The following UGT8 variants were observed in gnomAD, a reference collection of about 807,000 sequenced individuals.
UGT8 encodes UDP glycosyltransferase 8.
UGT8 carries 12 observed loss-of-function variants against 40.5 expected under a neutral mutation model. That is an observed-to-expected ratio of 0.30 (90% CI 0.19 to 0.48). UGT8 has a LOEUF of 0.48. UGT8 is among the 20% of genes least tolerant of loss of function. The probability of loss-of-function intolerance (pLI) is 0.99; values close to 1 mark genes in which losing one functional copy is unlikely to be tolerated. For synonymous variants in UGT8, 224 were observed against 240.4 expected, an observed-to-expected ratio of 0.93 and a Z score of 0.63; for missense variants, 513 against 648.7, an observed-to-expected ratio of 0.79 and a Z score of 2.27.
intron 1 of UGT8, among the ~76,000 whole-genome samples, chr4:114,618,054 T>C (rs555737005): frequency 2.0e-5 from 3 of 152,054 alleles, no homozygotes; most frequent in Middle Eastern, 3.2e-3. Flanking sequence ...TACATATATA[T>C]CATATACATA....
chr4:114,658,380 G>A (rs1734316141), intron 2 of UGT8, among the ~76,000 whole-genome samples: 1 of 152,182 alleles, frequency 6.6e-6, no homozygotes, highest in Admixed American at 6.5e-5. Context: ...AGGATGCAGT[G>A]TTATAGGTTT....
intron 1 of UGT8, chr4:114,622,386 G>A: frequency 6.6e-6 from 1 of 151,086 alleles, no homozygotes; most frequent in South Asian, 2.1e-4. Context: ...CCAAGTCTTT[G>A]CTATTGTGAA....
intron 2 of UGT8, among the ~76,000 whole-genome samples, chr4:114,661,001 G>C (rs1734497491): frequency 6.6e-6 from 1 of 151,478 alleles, no homozygotes; most frequent in African/African-American, 2.4e-5. Flanking sequence ...GTAGCTGATT[G>C]TCTCTGTCAT....
At chr4:114,647,963 C>G (rs1218290112) in intron 2 of UGT8, among the ~76,000 whole-genome samples, 2 of 152,120 alleles carry the variant, frequency 1.3e-5, no homozygotes, top group African/African-American at 4.8e-5. Context: ...TGGACAATGT[C>G]ATGTTCTTGC....
At chr4:114,638,405 T>G (rs1733015304) in intron 2 of UGT8, among the ~76,000 whole-genome samples, 1 of 152,194 alleles carries the variant, frequency 6.6e-6, no homozygotes. Flanking sequence ...CATCCCTGAC[T>G]TTTGGATCTG....
At chr4:114,654,462 G>A (rs766208656) in intron 2 of UGT8, among the ~76,000 whole-genome samples, 1 of 152,030 alleles carries the variant, frequency 6.6e-6, no homozygotes, top group Admixed American at 6.6e-5. Context: ...CTATAGTTGA[G>A]GAATTCAGAC....
At chr4:114,658,293 A>G (rs1734310928) in intron 2 of UGT8, among the ~76,000 whole-genome samples, 1 of 152,158 alleles carries the variant, frequency 6.6e-6, no homozygotes, top group South Asian at 2.1e-4. Context: ...CACCCCCCTC[A>G]TCTCCCATTA....
intron 2 of UGT8, among the ~76,000 whole-genome samples, chr4:114,649,501 CAATGCTGAG>C (rs1733774315): frequency 1.3e-5 from 2 of 152,102 alleles, no homozygotes; most frequent in South Asian, 4.1e-4. Flanking sequence ...GGTGGTATGA[CAATGCTGAG>C]AATCAGTAGG....
intron 1 of UGT8, among the ~76,000 whole-genome samples, chr4:114,611,356 A>G (rs1361543237): frequency 5.4e-5 from 8 of 147,998 alleles, no homozygotes; most frequent in African/African-American, 2.0e-4. Context: ...AATTTCAGAA[A>G]TAGAAACCCA....
chr4:114,631,519 C>T (rs1301933608), intron 2 of UGT8, among the ~76,000 whole-genome samples: 3 of 152,226 alleles, frequency 2.0e-5, no homozygotes, highest in East Asian at 3.9e-4. Context: ...AAGTAATGTC[C>T]CATTGTATCC....
intron 2 of UGT8, among the ~76,000 whole-genome samples, chr4:114,630,628 C>A (rs1240233381): frequency 1.3e-5 from 2 of 151,576 alleles, no homozygotes; most frequent in Non-Finnish European, 2.9e-5. Flanking sequence ...ACTTCTGTTT[C>A]CATCTTGGGG....
chr4:114,653,014 A>G (rs1733977301), intron 2 of UGT8, among the ~76,000 whole-genome samples: 1 of 152,018 alleles, frequency 6.6e-6, no homozygotes, highest in South Asian at 2.1e-4. Context: ...TGACCAAGCC[A>G]CTCATCCCAG....
intron 2 of UGT8, among the ~76,000 whole-genome samples, chr4:114,634,528 A>T (rs1732768935): frequency 6.6e-6 from 1 of 152,212 alleles, no homozygotes; most frequent in African/African-American, 2.4e-5. Flanking sequence ...TCATAGGTCC[A>T]TCCTTTATTG....
At chr4:114,625,073 G>T (rs1021347284) in intron 2 of UGT8, among the ~76,000 whole-genome samples, 2 of 150,770 alleles carry the variant, frequency 1.3e-5, no homozygotes, top group African/African-American at 5.0e-5. Flanking sequence ...CCTTAACTGA[G>T]TCATTTAAAA....
intron 1 of UGT8, among the ~76,000 whole-genome samples, chr4:114,620,832 T>C (rs1406343091): frequency 1.3e-5 from 2 of 152,166 alleles, no homozygotes; most frequent in Admixed American, 1.3e-4. Context: ...GAAGGTATAG[T>C]TGTTAAAACT....
intron 2 of UGT8, among the ~76,000 whole-genome samples, chr4:114,657,653 T>C (rs1050680345): frequency 3.3e-5 from 5 of 152,152 alleles, no homozygotes; most frequent in African/African-American, 9.6e-5. Flanking sequence ...AGTGAACAAA[T>C]ACAACTGAGA....
intron 5 of UGT8, among the ~76,000 whole-genome samples, chr4:114,670,430 CAAAA>C (rs70964319): frequency 1.7e-5 from 1 of 57,330 alleles, no homozygotes; most frequent in African/African-American, 9.6e-5. Context: ...GACTCTGTCT[CAAAA>C]AAAAAAAAAA....
At chr4:114,610,452 C>A (rs1560667012) in intron 1 of UGT8, among the ~76,000 whole-genome samples, 1 of 152,150 alleles carries the variant, frequency 6.6e-6, no homozygotes, top group Non-Finnish European at 1.5e-5. Flanking sequence ...AAAAGACTTT[C>A]TCTGGACTTG....
rs185291143 is a variant in UGT8, at chr4:114,616,051, A to T, written c.-2-6828A>T. On this transcript the variant is annotated intron_variant, in intron 1 of 5. Coordinates refer to ENST00000310836, the MANE Select transcript of UGT8 (RefSeq NM_001128174.3). ...CAGTTAGGCTAGTCGGGGGTCAGGGACCCAGTTGAGGAGGCAGTCTGCCCG... is the reference window on the plus strand; with the variant it reads ...CAGTTAGGCTAGTCGGGGGTCAGGGTCCCAGTTGAGGAGGCAGTCTGCCCG... 1.2e-3 allele frequency among the ~76,000 whole-genome samples: 183 copies of T among 152,124 alleles called. 1 individual carries two copies. Among genetic ancestry groups the T allele is most frequent in the African/African-American group, 4.3e-3 (177 of 41,498 alleles).
Sources: allele counts gnomAD v4.1 joint callset (sites outside exome capture counted in the v4.1 genomes callset), GRCh38; gene constraint gnomAD v4.1.1; transcripts MANE v1.5; gene names NCBI Gene and HGNC (gene_info 2026-07-23, HGNC 2026-07-21).